The following ZDHHC11 variants were observed in gnomAD, a reference collection of about 807,000 sequenced individuals.
ZDHHC11 encodes the protein palmitoyltransferase ZDHHC11.
ZDHHC11 carries 44 observed loss-of-function variants against 51.3 expected under a neutral mutation model. The observed-to-expected ratio is 0.86, with a 90% CI of 0.67 to 1.10. The LOEUF is 1.10. Among genes scored for constraint, ZDHHC11 ranks in the 50% least tolerant of loss-of-function variants. The pLI, the probability that ZDHHC11 is intolerant of heterozygous loss-of-function variation, is 0.00. For missense variants in ZDHHC11, 400 were observed against 537.7 expected (o/e 0.74, Z 2.53); for synonymous variants, 163 against 222.0 (o/e 0.73, Z 2.36).
chr5:807,413 G>A (rs547534706), intron 11 of ZDHHC11, among the ~76,000 whole-genome samples: 3 of 151,340 alleles, frequency 2.0e-5, no homozygotes, highest in Non-Finnish European at 3.0e-5. Flanking sequence ...TAGGGGCCCC[G>A]TCTCAACAGA....
At chr5:839,735 C>T (rs1355852171) in intron 5 of ZDHHC11, 1 of 162,466 alleles carries the variant, frequency 6.2e-6, no homozygotes, top group Non-Finnish European at 1.4e-5. Flanking sequence ...CCAACTCCCT[C>T]TGCCCTGACC....
intron 1 of ZDHHC11, among the ~76,000 whole-genome samples, chr5:857,962 C>T (rs1023406530): frequency 6.9e-5 from 10 of 145,078 alleles, no homozygotes; most frequent in African/African-American, 2.6e-4. Flanking sequence ...TAGAGTCTGT[C>T]CTGGTCCCCG....
chr5:824,266 C>G lies in ZDHHC11; in HGVS notation c.1023+898G>C, dbSNP rs565801152. Among the ~76,000 whole-genome samples, 65 of 151,042 alleles carry G rather than the reference C, an allele frequency of 4.3e-4. 2 individuals carry two copies. The highest frequency in any genetic ancestry group is 3.4e-3 in the Middle Eastern group (1 of 294). On this transcript the variant is annotated intron_variant, in intron 8 of 12. Coordinates refer to ENST00000283441, the MANE Select transcript of ZDHHC11 (RefSeq NM_024786.3). ...TTGAGATGAGAAGTTCCAAACAAGC[C>G]TGGACAATAGAGTGAGATCCCATCT...
chr5:858,042 C>T (rs1460743474), intron 1 of ZDHHC11, among the ~76,000 whole-genome samples: 1 of 147,626 alleles, frequency 6.8e-6, no homozygotes, highest in Non-Finnish European at 1.5e-5. Flanking sequence ...TTTATGACAC[C>T]GTGGTCCCCT....
At chr5:816,288 C>T (rs1424872645) in intron 10 of ZDHHC11, 2 of 275,324 alleles carry the variant, frequency 7.3e-6, no homozygotes, top group Non-Finnish European at 1.4e-5. Context: ...TCAAAGAAGA[C>T]ATTGCTTAAC....
chr5:845,881 C>A (rs1365353678), intron 3 of ZDHHC11, among the ~76,000 whole-genome samples: 1 of 149,582 alleles, frequency 6.7e-6, no homozygotes, highest in African/African-American at 2.6e-5. Flanking sequence ...CACTTGGCAC[C>A]CACGTGGTCC....
intron 9 of ZDHHC11, 30 bp from the exon 10 acceptor site, chr5:819,642 C>T: frequency 1.9e-6 from 3 of 1,602,730 alleles, no homozygotes; most frequent in East Asian, 2.2e-5. Context: ...GAAAGAAACA[C>T]ACCACAGTTT....
rs116711496 is a variant in ZDHHC11 at position 835,905 on chromosome 5, C to T, written c.900+1460G>A. Among the ~76,000 whole-genome samples, 68 of 151,014 alleles carry T rather than the reference C, an allele frequency of 4.5e-4. 1 individual carries two copies. Among genetic ancestry groups the T allele is most frequent in the African/African-American group, 1.5e-3 (63 of 41,196 alleles). On this transcript the variant is annotated intron_variant, in intron 6 of 12. Transcript: ENST00000283441. ...TTCATTGCTGGTGGATAGAGATGTG[C>T]GAGCGTGTATTTTAATATGTGCCCC...
At chr5:803,830 A>G (rs541874376) in intron 11 of ZDHHC11, among the ~76,000 whole-genome samples, 2 of 150,680 alleles carry the variant, frequency 1.3e-5, no homozygotes, top group South Asian at 4.2e-4. Flanking sequence ...AACCAAAAAG[A>G]AACTGGAGCT....
At chr5:813,782 G>A (rs1228743912) in intron 11 of ZDHHC11, among the ~76,000 whole-genome samples, 4 of 147,190 alleles carry the variant, frequency 2.7e-5, no homozygotes, top group South Asian at 2.1e-4. Flanking sequence ...TCCCTGCAGT[G>A]ATGGGAGGAA....
chr5:859,270 G>A (rs1214064421), upstream of ZDHHC11, among the ~76,000 whole-genome samples: 3 of 151,972 alleles, frequency 2.0e-5, no homozygotes, highest in Non-Finnish European at 2.9e-5. Flanking sequence ...CTGCTTAGCC[G>A]CCCTCACCTG....
Position 841,342 on chromosome 5 carries a change from G to C in ZDHHC11, c.629-692C>G, listed in dbSNP as rs996109061. ...CACCCCTTCCTTACTAAGTGCCGGG[G>C]TCACAGTGCCCACCCCTTCCTCACT... On this transcript the variant is annotated intron_variant, in intron 4 of 12. Transcript: ENST00000283441. 3 of 922,080 alleles carry C rather than the reference G, an allele frequency of 3.3e-6. No homozygotes were observed. The African/African-American group carries it at 7.3e-5, about 22-fold the overall frequency. The allele number at this position is 922,080 out of a possible 1,614,324, so 57.1% of individuals were successfully genotyped here.
intron 10 of ZDHHC11, among the ~76,000 whole-genome samples, chr5:815,812 C>T (rs1020913850): frequency 6.6e-6 from 1 of 151,492 alleles, no homozygotes; most frequent in Non-Finnish European, 1.5e-5. Flanking sequence ...AGATAGGTTG[C>T]CCAGGCTGGT....
rs1737475502 is a variant in ZDHHC11, at chr5:795,756, G to A, written c.*832C>T. 6.5e-6 allele frequency: 1 copy of A among 154,458 alleles called. No individual in the cohort carries two copies. Among genetic ancestry groups the A allele is most frequent in the Non-Finnish European group, 1.5e-5 (1 of 67,994 alleles). 9.6% of individuals were successfully genotyped at this position (154,458 alleles called of 1,614,324 possible). On this transcript the variant is annotated 3_prime_UTR_variant, in exon 13 of 13. Transcript: ENST00000283441. ...TTTTGTCTACTAAGATAAGAAGTCT[G>A]GGCTAGGCTGAAAAACTCAGAATCC...
In ZDHHC11 at chr5:850,530, G is replaced by C. The variant is rs138515363; in HGVS notation, c.73C>G (p.Pro25Ala). Residue 25 changes from proline (P) to alanine (A), a missense_variant, in exon 1 of 13, where the codon CCG becomes GCG. Coordinates refer to ENST00000283441, the MANE Select transcript of ZDHHC11 (RefSeq NM_024786.3). ...CCGTTCACTCTGGAGATGCGGGGCG[G>C]CAAGACCAGCTTTTCATTATTGAGT... Reference protein sequence around the residue: ...AILNNEKLVLPPRISRVNGWS... With the variant: ...AILNNEKLVLAPRISRVNGWS... The C allele has an allele frequency of 1.5e-3, 2,481 of 1,613,782 alleles. 13 individuals are homozygous for C. Among genetic ancestry groups the C allele is most frequent in the Non-Finnish European group, 1.0e-3 (1,222 of 1,180,032 alleles).
Position 837,613 on chromosome 5 carries a change from T to C in ZDHHC11, c.785-133A>G, listed in dbSNP as rs1347536888. The C allele has an allele frequency of 9.4e-6, 9 of 958,578 alleles. 1 individual carries two copies. Among genetic ancestry groups the C allele is most frequent in the South Asian group, 5.8e-5 (4 of 69,052 alleles). 59.4% of individuals were successfully genotyped at this position (958,578 alleles called of 1,614,324 possible). A position where few individuals can be genotyped will look rare whatever the true frequency, so the allele number is the denominator to read the frequency against. The stretch of plus-strand genomic sequence containing the variant: ...ACAGGGAGAACTGCTCCGCCCACCA[T>C]GCAGGCCCTGTGAGGTCAGGATGAG... On this transcript the variant is annotated intron_variant, in intron 5 of 12. Transcript: ENST00000283441.
At chr5:825,614 T>C (rs1742252344) in intron 7 of ZDHHC11, among the ~76,000 whole-genome samples, 1 of 152,178 alleles carries the variant, frequency 6.6e-6, no homozygotes, top group African/African-American at 2.4e-5. Flanking sequence ...CAGAACAGCA[T>C]GTGGAGACTC....
At chr5:806,898 G>A (rs544762863) in intron 11 of ZDHHC11, among the ~76,000 whole-genome samples, 2 of 151,294 alleles carry the variant, frequency 1.3e-5, no homozygotes, top group African/African-American at 4.9e-5. Flanking sequence ...ACCCTGCTGT[G>A]AGAGTGTAAC....
intron 11 of ZDHHC11, 143 bp downstream of exon 11, chr5:814,618 A>C (rs6879268): frequency 0.13 from 120,232 of 931,716 alleles, 11,353 homozygotes; most frequent in African/African-American, 0.43. Flanking sequence ...AATGGCTATA[A>C]ATGTTCAGAG....
Sources: allele counts gnomAD v4.1 joint callset (sites outside exome capture counted in the v4.1 genomes callset), GRCh38; gene constraint gnomAD v4.1.1; transcripts MANE v1.5; gene names NCBI Gene and HGNC (gene_info 2026-07-23, HGNC 2026-07-21).